ERCC6L2: variants seen among roughly 807,000 people sequenced by gnomAD.
ERCC6L2 encodes ERCC excision repair 6 like 2.
Under a neutral mutation model 132.0 loss-of-function variants are expected in ERCC6L2, and 77 were observed. That is an observed-to-expected ratio of 0.58 (90% CI 0.49 to 0.71). The LOEUF (loss-of-function observed/expected upper bound fraction) is 0.71. ERCC6L2 is among the 30% of genes least tolerant of loss of function. ERCC6L2 has a pLI of 0.00. For missense variants in ERCC6L2, 1,542 were observed against 1,837.6 expected (o/e 0.84, Z 2.94); for synonymous variants, 583 against 632.4 (o/e 0.92, Z 1.17).
chr9:95,920,215 C>T (rs1476036708), intron 6 of ERCC6L2, among the ~76,000 whole-genome samples: 3 of 152,130 alleles, frequency 2.0e-5, no homozygotes, highest in Non-Finnish European at 2.9e-5. Context: ...CCTTGACTTC[C>T]TTTTCACTTC....
At position 96,012,414 on chromosome 9, in the gene ERCC6L2, A is replaced by G. The variant is rs1211604973; in HGVS notation, c.3864A>G (p.Lys1288=). The change falls in exon 19 of 19, where the codon AAA becomes AAG. Residue 1288 remains lysine (K), a synonymous_variant. Transcript: ENST00000653738. ...AATTCAACAATTCTTCCTTTGAGAA[A>G]GGAGAGCAGCGCACCCGGAAGAAAT... ...VSQFNNSSFE[K]GEQRTRKKSD... 1.6e-5 allele frequency: 22 copies of G among 1,362,178 alleles called. 1 individual carries two copies. The South Asian group carries it at 2.4e-4, about 15-fold the overall frequency. The allele number at this position is 1,362,178 out of a possible 1,614,324, so 84.4% of individuals were successfully genotyped here. A position where few individuals can be genotyped will look rare whatever the true frequency, so the allele number is the denominator to read the frequency against.
chr9:95,993,498 T>A (rs1021075025), intron 17 of ERCC6L2, among the ~76,000 whole-genome samples: 2 of 152,184 alleles, frequency 1.3e-5, no homozygotes, highest in Non-Finnish European at 2.9e-5. Flanking sequence ...TTCCTGTGTT[T>A]CTGTCTGTAG....
At chr9:95,918,272 G>A (rs1829696737) in intron 6 of ERCC6L2, 4 of 430,410 alleles carry the variant, frequency 9.3e-6, no homozygotes, top group South Asian at 5.7e-5. Flanking sequence ...CCACTACAGT[G>A]TAGCTGTGAT....
chr9:95,990,541 A>C (rs1833259845), intron 17 of ERCC6L2, among the ~76,000 whole-genome samples: 1 of 152,322 alleles, frequency 6.6e-6, no homozygotes, highest in South Asian at 2.1e-4. Context: ...GTGAGACAGG[A>C]TAGCTCCCTT....
In ERCC6L2 at chr9:95,978,099, A is replaced by G. The variant is rs1468165560; in HGVS notation, c.3376A>G (p.Asn1126Asp). ...QEVAYIHSNQ[N>D]VIGSSKAENH... ...AGTGGCTTATATTCACTCAAACCAG[A>G]ATGTAATTGGATCGAGCAAAGCTGA... is the stretch of plus-strand genomic sequence containing the variant. The change falls in exon 17 of 19, where the codon AAT becomes GAT. Residue 1126 changes from asparagine (N) to aspartate (D), a missense_variant. By Grantham distance (23) the Asn-to-Asp change is conservative (BLOSUM62 1). Transcript: ENST00000653738. 6 of 1,367,360 alleles carry G rather than the reference A, an allele frequency of 4.4e-6. No homozygotes were observed. Among genetic ancestry groups the G allele is most frequent in the Non-Finnish European group, 5.9e-6 (6 of 1,021,720 alleles). 84.7% of individuals were successfully genotyped at this position (1,367,360 alleles called of 1,614,324 possible).
chr9:95,991,023 C>G (rs903219632), intron 17 of ERCC6L2, among the ~76,000 whole-genome samples: 1 of 152,142 alleles, frequency 6.6e-6, no homozygotes, highest in Non-Finnish European at 1.5e-5. Context: ...GCTTCACTGT[C>G]TGAAGTTAGC....
At chr9:95,929,446 T>C (rs1037276188) in intron 11 of ERCC6L2, among the ~76,000 whole-genome samples, 1 of 152,252 alleles carries the variant, frequency 6.6e-6, no homozygotes, top group South Asian at 2.1e-4. Context: ...AATCCCATTT[T>C]AGGAAGGAAC....
At chr9:95,893,109 T>G (rs1222718734) in intron 2 of ERCC6L2, among the ~76,000 whole-genome samples, 1 of 152,214 alleles carries the variant, frequency 6.6e-6, no homozygotes, top group Non-Finnish European at 1.5e-5. Context: ...CATTCTCAAC[T>G]TCTTGCAATG....
intron 3 of ERCC6L2, 89 bp from the exon 4 acceptor site, chr9:95,906,989 A>C (rs1434830908): frequency 1.2e-6 from 1 of 823,952 alleles, no homozygotes; most frequent in African/African-American, 1.7e-5. Context: ...ATTAAGGAAG[A>C]GGACTATTGA....
chr9:96,038,802 G>C (rs1038327732), intron 19 of ERCC6L2: 21 of 453,876 alleles, frequency 4.6e-5, no homozygotes, highest in African/African-American at 3.8e-4. Context: ...ATACCGAATG[G>C]GGGCTGGACT....
At chr9:95,958,668 C>G (rs1397217786) in intron 13 of ERCC6L2, among the ~76,000 whole-genome samples, 1 of 152,044 alleles carries the variant, frequency 6.6e-6, no homozygotes, top group African/African-American at 2.4e-5. Flanking sequence ...TGATAAGCAA[C>G]TTCAGCAAAG....
chr9:96,028,511 A>AG (rs1391338976), intron 19 of ERCC6L2, among the ~76,000 whole-genome samples: 1 of 152,194 alleles, frequency 6.6e-6, no homozygotes, highest in Non-Finnish European at 1.5e-5. Context: ...CACGCAACAG[A>AG]GGTAGGAACC....
At chr9:96,002,060 A>G (rs992678029) in intron 17 of ERCC6L2, among the ~76,000 whole-genome samples, 1 of 152,354 alleles carries the variant, frequency 6.6e-6, no homozygotes, top group South Asian at 2.1e-4. Flanking sequence ...CAGCTGGCCC[A>G]CAAGCGCCAC....
chr9:95,909,864 A>G (rs1829261028), intron 4 of ERCC6L2, among the ~76,000 whole-genome samples: 1 of 152,204 alleles, frequency 6.6e-6, no homozygotes, highest in Non-Finnish European at 1.5e-5. Flanking sequence ...GAAACTCCCA[A>G]ACCATTTTCC....
intron 13 of ERCC6L2, among the ~76,000 whole-genome samples, chr9:95,960,228 T>C (rs1170390859): frequency 6.6e-6 from 1 of 152,024 alleles, no homozygotes; most frequent in East Asian, 1.9e-4. Context: ...AGCACTGCAG[T>C]AGACAGAGAT....
chr9:95,945,456 C>CA, intron 12 of ERCC6L2, among the ~76,000 whole-genome samples: 1 of 152,286 alleles, frequency 6.6e-6, no homozygotes, highest in Admixed American at 6.5e-5. Context: ...CCTGAGGCAA[C>CA]ACTCATCCTC....
intron 17 of ERCC6L2, among the ~76,000 whole-genome samples, chr9:95,981,279 G>A (rs1832883320): frequency 6.6e-6 from 1 of 152,084 alleles, no homozygotes; most frequent in Non-Finnish European, 1.5e-5. Context: ...ATTATTTGAT[G>A]TACAGTAATT....
At chr9:95,902,182 C>T (rs1828815183) in intron 3 of ERCC6L2, among the ~76,000 whole-genome samples, 1 of 152,006 alleles carries the variant, frequency 6.6e-6, no homozygotes, top group Non-Finnish European at 1.5e-5. Flanking sequence ...ATGTTTTGTG[C>T]CAAGAATAAA....
At chr9:95,921,784 ATTTCC>A (rs1212812609) in intron 7 of ERCC6L2, among the ~76,000 whole-genome samples, 1 of 152,200 alleles carries the variant, frequency 6.6e-6, no homozygotes, top group Non-Finnish European at 1.5e-5. Flanking sequence ...TTTTGTTTAT[ATTTCC>A]TGCTCATGTT....
Sources: allele counts gnomAD v4.1 joint callset (sites outside exome capture counted in the v4.1 genomes callset), GRCh38; gene constraint gnomAD v4.1.1; transcripts MANE v1.5; gene names NCBI Gene and HGNC (gene_info 2026-07-23, HGNC 2026-07-21).